PTPRO: variants seen among roughly 807,000 people sequenced by gnomAD.
PTPRO encodes the protein receptor-type tyrosine-protein phosphatase O.
In PTPRO, 62 loss-of-function variants were observed where a neutral mutation model predicts 145.2. The ratio of observed to expected loss-of-function variants is 0.43; its 90% CI spans 0.35 to 0.53. PTPRO has a LOEUF of 0.53. PTPRO is among the 20% of genes least tolerant of loss of function. The probability of loss-of-function intolerance (pLI) is 0.01; values close to 1 mark genes in which losing one functional copy is unlikely to be tolerated. For synonymous variants in PTPRO, 565 were observed against 514.7 expected (o/e 1.10, Z -1.32); for missense variants, 1,345 against 1,482.7 (o/e 0.91, Z 1.53).
At chr12:15,474,820 T>C (rs1941619628) in intron 1 of PTPRO, among the ~76,000 whole-genome samples, 1 of 152,174 alleles carries the variant, frequency 6.6e-6, no homozygotes, top group Admixed American at 6.5e-5. Context: ...CAGAATTTTC[T>C]CCTGAACATA....
At chr12:15,441,328 C>A (rs984992890) in intron 1 of PTPRO, among the ~76,000 whole-genome samples, 1 of 145,430 alleles carries the variant, frequency 6.9e-6, no homozygotes, top group Non-Finnish European at 1.5e-5. Flanking sequence ...ACACAACATA[C>A]CAAAATCTCT....
At chr12:15,516,977 T>C (rs377448613) in intron 9 of PTPRO, 21 bp downstream of exon 9, 153 of 1,594,764 alleles carry the variant, frequency 9.6e-5, no homozygotes, top group Non-Finnish European at 1.3e-4. Flanking sequence ...CTTAACCAAC[T>C]GTCAGTCTTT....
Position 15,336,970 on chromosome 12 carries a change from G to C in PTPRO, c.75+14169G>C, listed in dbSNP as rs529876094. 1.3e-5 allele frequency among the ~76,000 whole-genome samples: 2 copies of C among 152,256 alleles called. 1 individual carries two copies. Among genetic ancestry groups the C allele is most frequent in the African/African-American group, 4.8e-5 (2 of 41,538 alleles). ...TCGCTGACCACTGTCTTTGGAATTGGCATGTGATCTAAGCCAGAACAATCA... is the reference window on the plus strand; with the variant it reads ...TCGCTGACCACTGTCTTTGGAATTGCCATGTGATCTAAGCCAGAACAATCA... On this transcript the variant is annotated intron_variant, in intron 1 of 26. Transcript: ENST00000281171.
At chr12:15,443,967 C>T (rs1940836730) in intron 1 of PTPRO, among the ~76,000 whole-genome samples, 1 of 150,252 alleles carries the variant, frequency 6.7e-6, no homozygotes, top group Non-Finnish European at 1.5e-5. Flanking sequence ...GTCATTTGAC[C>T]ATGCAGTCTC....
chr12:15,356,691 G>A (rs1565583092), intron 1 of PTPRO, among the ~76,000 whole-genome samples: 1 of 152,106 alleles, frequency 6.6e-6, no homozygotes, highest in Non-Finnish European at 1.5e-5. Context: ...GTAACTCTGA[G>A]CAGAGAACTT....
At chr12:15,448,032 A>T (rs1234806294) in intron 1 of PTPRO, among the ~76,000 whole-genome samples, 2 of 152,098 alleles carry the variant, frequency 1.3e-5, no homozygotes, top group Non-Finnish European at 2.9e-5. Flanking sequence ...AAATATTCCA[A>T]ATGGCATTTA....
rs532128785 is a variant in PTPRO, at chr12:15,460,645, T to TG, written c.76-23326dup. 4.2e-3 allele frequency among the ~76,000 whole-genome samples: 645 copies of TG among 152,170 alleles called. 2 individuals carry two copies. Among genetic ancestry groups the TG allele is most frequent in the Middle Eastern group, 0.01 (3 of 294 alleles). On this transcript the variant is annotated intron_variant, in intron 1 of 26. Coordinates refer to ENST00000281171, the MANE Select transcript of PTPRO (RefSeq NM_030667.3). ...CAACCTAGGTAAGCTATATTCTTTA[T>TG]GGGAAAAAAAGAGAAAAATAAGTTG...
chr12:15,569,782 G>A lies in PTPRO; in HGVS notation c.2829+284G>A, dbSNP rs776446848. On this transcript the variant is annotated intron_variant, in intron 19 of 26. Transcript: ENST00000281171. Reference sequence around the variant, plus strand: ...GCCATCATTGAAAACCAGGGAAATCGAGAGTACAAGAAGAAAAATGCAAGC... The same window carrying A: ...GCCATCATTGAAAACCAGGGAAATCAAGAGTACAAGAAGAAAAATGCAAGC... 6.7e-4 allele frequency among the ~76,000 whole-genome samples: 102 copies of A among 152,152 alleles called. 1 individual carries two copies. The highest frequency in any genetic ancestry group is 5.6e-3 in the Admixed American group (86 of 15,268).
intron 5 of PTPRO, among the ~76,000 whole-genome samples, chr12:15,502,298 C>T (rs1025648129): frequency 1.3e-5 from 2 of 152,048 alleles, no homozygotes; most frequent in Non-Finnish European, 2.9e-5. Flanking sequence ...GTAAGTACTG[C>T]CAACTGTATA....
At chr12:15,472,553 G>A (rs1941566383) in intron 1 of PTPRO, among the ~76,000 whole-genome samples, 2 of 152,074 alleles carry the variant, frequency 1.3e-5, no homozygotes, top group South Asian at 4.2e-4. Flanking sequence ...GATTCCCCTG[G>A]CAAACTCACG....
At chr12:15,458,011 C>T (rs892258882) in intron 1 of PTPRO, among the ~76,000 whole-genome samples, 5 of 152,148 alleles carry the variant, frequency 3.3e-5, no homozygotes, top group Non-Finnish European at 7.4e-5. Flanking sequence ...ACTTAAAGAA[C>T]TCCCTTAAGC....
At chr12:15,355,146 A>G (rs766570406) in intron 1 of PTPRO, among the ~76,000 whole-genome samples, 18 of 152,172 alleles carry the variant, frequency 1.2e-4, no homozygotes, top group Non-Finnish European at 2.6e-4. Context: ...CATTGGTGGC[A>G]TTTCCCTATG....
intron 12 of PTPRO, among the ~76,000 whole-genome samples, chr12:15,531,804 A>G (rs1017570241): frequency 6.6e-6 from 1 of 152,212 alleles, no homozygotes; most frequent in African/African-American, 2.4e-5. Flanking sequence ...TAATGGCAAT[A>G]AAAGTGTTTT....
intron 18 of PTPRO, among the ~76,000 whole-genome samples, chr12:15,568,428 TCAAAACAAAACAAAA>T (rs10524989): frequency 0.046 from 6,815 of 149,442 alleles, 490 homozygotes; most frequent in African/African-American, 0.15. Context: ...AGACTCTGTC[TCAAAACAAAACAAAA>T]CAAAACAAAA....
intron 1 of PTPRO, among the ~76,000 whole-genome samples, chr12:15,463,258 G>A (rs1347480064): frequency 6.6e-6 from 1 of 152,030 alleles, no homozygotes; most frequent in Non-Finnish European, 1.5e-5. Context: ...TCAAAGTTAT[G>A]AATCAATAGA....
intron 2 of PTPRO, 34 bp downstream of exon 2, chr12:15,484,281 C>T: frequency 6.2e-7 from 1 of 1,610,956 alleles, no homozygotes; most frequent in South Asian, 1.1e-5. Context: ...CCCGTTTCTT[C>T]TTATTGTTCC....
intron 1 of PTPRO, among the ~76,000 whole-genome samples, chr12:15,425,895 TA>T (rs1373703500): frequency 6.6e-6 from 1 of 152,034 alleles, no homozygotes; most frequent in Non-Finnish European, 1.5e-5. Flanking sequence ...CATTTATTTA[TA>T]AATTCCTCCA....
intron 7 of PTPRO, among the ~76,000 whole-genome samples, chr12:15,513,286 A>G (rs61910072): frequency 2.5e-3 from 76 of 29,862 alleles, no homozygotes; most frequent in South Asian, 9.6e-3. Flanking sequence ...GAGGGAGGGA[A>G]GGAAGGAAGG....
intron 1 of PTPRO, among the ~76,000 whole-genome samples, chr12:15,358,239 G>T (rs1374883381): frequency 1.9e-5 from 2 of 106,886 alleles, no homozygotes; most frequent in Non-Finnish European, 3.6e-5. Context: ...GTCATGGGGT[G>T]GGGGGAGGGG....
Sources: gnomAD v4.1 joint callset for allele counts (sites outside exome capture counted in the v4.1 genomes callset) on GRCh38, gnomAD v4.1.1 for gene constraint, MANE v1.5 for transcripts, NCBI Gene and HGNC (gene_info 2026-07-23, HGNC 2026-07-21) for gene names.